The following TMEM255B variants were observed in gnomAD, a reference collection of about 807,000 sequenced individuals.
The protein encoded by TMEM255B is family with sequence similarity 70, member B.
A neutral mutation model predicts 34.5 loss-of-function variants in TMEM255B; 35 were observed. The observed-to-expected ratio is 1.01, with a 90% CI of 0.77 to 1.34. TMEM255B has a LOEUF of 1.34. Among genes scored for constraint, TMEM255B ranks in the 40% most tolerant of loss-of-function variants. The probability of loss-of-function intolerance (pLI) is 0.00; values close to 1 mark genes in which losing one functional copy is unlikely to be tolerated. For synonymous variants in TMEM255B, 206 were observed against 201.2 expected (o/e 1.02, Z -0.20); for missense variants, 432 against 433.2 (o/e 1.00, Z 0.02).
At chr13:113,784,159 C>T (rs187088302) in intron 3 of TMEM255B, among the ~76,000 whole-genome samples, 9 of 152,060 alleles carry the variant, frequency 5.9e-5, no homozygotes, top group African/African-American at 1.7e-4. Flanking sequence ...GACAGCCGAG[C>T]GGGGAGGGTG....
intron 5 of TMEM255B, 45 bp downstream of exon 5, chr13:113,799,464 C>CCCG: frequency 6.3e-7 from 1 of 1,583,978 alleles, no homozygotes; most frequent in Non-Finnish European, 8.7e-7. Context: ...CTCAGCTAAC[C>CCCG]CCGCCGACCC....
In TMEM255B at chr13:113,808,800, G is replaced by A. The variant is rs1476145488; in HGVS notation, c.814-2936G>A. On this transcript the variant is annotated intron_variant, in intron 8 of 8. Coordinates refer to ENST00000375353, the MANE Select transcript of TMEM255B (RefSeq NM_182614.4). ...TGTAACTCTGTGGTTCCTGGGGGGG[G>A]GGTTACTCCATGTTTCCTGGGGGTT... Among the ~76,000 whole-genome samples, 21 of 113,134 alleles carry A rather than the reference G, an allele frequency of 1.9e-4. 1 individual carries two copies. Among genetic ancestry groups the A allele is most frequent in the Middle Eastern group, 6.6e-3 (1 of 152 alleles). The allele number at this position is 113,134 out of a possible 152,430, so 74.2% of individuals were successfully genotyped here. A position where few individuals can be genotyped will look rare whatever the true frequency, so the allele number is the denominator to read the frequency against.
At position 113,770,511 on chromosome 13, in the gene TMEM255B, G is replaced by T. The variant is rs1333932006; in HGVS notation, c.252+1351G>T. Among the ~76,000 whole-genome samples, 4 of 152,232 alleles carry T rather than the reference G, an allele frequency of 2.6e-5. No individual in the cohort carries two copies. Among genetic ancestry groups the T allele is most frequent in the Non-Finnish European group, 5.9e-5 (4 of 68,044 alleles). ...GTGTGAGGGTGGGAGGTCCCTGGAG[G>T]GTTGGGGGTGGCTGCAAAGACACTG... is the stretch of plus-strand genomic sequence containing the variant. On this transcript the variant is annotated intron_variant, in intron 3 of 8. Transcript: ENST00000375353. This position sits in a 1 kb window ranked among gnomAD's most constrained non-coding sequence, Gnocchi z 4.6.
intron 8 of TMEM255B, among the ~76,000 whole-genome samples, chr13:113,809,563 G>T (rs2051261191): frequency 9.0e-6 from 1 of 110,748 alleles, no homozygotes; most frequent in South Asian, 3.8e-4. Context: ...TTCCTGGGGG[G>T]AGGGGTTACT....
At chr13:113,788,748 C>T (rs1229407875) in intron 3 of TMEM255B, among the ~76,000 whole-genome samples, 13 of 152,116 alleles carry the variant, frequency 8.5e-5, no homozygotes, top group Admixed American at 5.2e-4. Flanking sequence ...GTACTCCACT[C>T]GCGCTTCTGG....
chr13:113,805,174 C>T, intron 8 of TMEM255B, 146 bp downstream of exon 8: 1 of 1,093,012 alleles, frequency 9.1e-7, no homozygotes, highest in Non-Finnish European at 1.2e-6. Flanking sequence ...AGTGACAACC[C>T]TGCCGTCAGG....
At chr13:113,780,977 C>T (rs1566728390) in intron 3 of TMEM255B, among the ~76,000 whole-genome samples, 1 of 152,180 alleles carries the variant, frequency 6.6e-6, no homozygotes, top group Non-Finnish European at 1.5e-5. Context: ...CATATTTATA[C>T]AAACACAGCC....
chr13:113,784,538 GA>G (rs2050711654), intron 3 of TMEM255B, among the ~76,000 whole-genome samples: 1 of 151,408 alleles, frequency 6.6e-6, no homozygotes, highest in Admixed American at 6.6e-5. Flanking sequence ...ATATGAAGAG[GA>G]AGAAGAAGAA....
At chr13:113,787,464 G>A (rs1040931795) in intron 3 of TMEM255B, among the ~76,000 whole-genome samples, 4 of 152,316 alleles carry the variant, frequency 2.6e-5, no homozygotes, top group East Asian at 1.9e-4. Context: ...CACAGAAACC[G>A]ATGATAGGTG....
chr13:113,761,657 C>T (rs2050310432), intron 1 of TMEM255B, among the ~76,000 whole-genome samples: 1 of 152,216 alleles, frequency 6.6e-6, no homozygotes, highest in Non-Finnish European at 1.5e-5. Flanking sequence ...GTTCACACCA[C>T]CCTGATGATT....
Position 113,795,292 on chromosome 13 carries a change from G to A in TMEM255B, c.342+55G>A, listed in dbSNP as rs374352659. On this transcript the variant is annotated intron_variant, in intron 4 of 8. Transcript: ENST00000375353. ...GCTTTCCGGGGCTGAAAGAGTCGAC[G>A]TGAAAAAAGTACAATTTCATTTTGC... is the stretch of plus-strand genomic sequence containing the variant. The A allele has an allele frequency of 2.8e-5, 44 of 1,548,442 alleles. No individual in the cohort carries two copies. In the African/African-American group the frequency reaches 4.1e-4, roughly 14 times the overall value.
At chr13:113,779,478 G>A (rs1410526322) in intron 3 of TMEM255B, among the ~76,000 whole-genome samples, 1 of 151,706 alleles carries the variant, frequency 6.6e-6, no homozygotes, top group Non-Finnish European at 1.5e-5. Flanking sequence ...TGTTTTGGGG[G>A]CGTAGAGGGA....
Position 113,811,934 on chromosome 13 carries a change from G to GT in TMEM255B, c.*42dup, listed in dbSNP as rs374564555. 6.9e-3 allele frequency: 9,061 copies of GT among 1,317,578 alleles called. 2 individuals are homozygous for GT. The highest frequency in any genetic ancestry group is 7.4e-3 in the Non-Finnish European group (7,152 of 969,334). 81.6% of individuals were successfully genotyped at this position (1,317,578 alleles called of 1,614,324 possible). A position where few individuals can be genotyped will look rare whatever the true frequency, so the allele number is the denominator to read the frequency against. On this transcript the variant is annotated 3_prime_UTR_variant, in exon 9 of 9. Transcript: ENST00000375353. Reference sequence around the variant, plus strand: ...GCGTGGAGTAAAAGATAACTTGTTTGTTTTTTTTTTTAAAAAAAAGGCAGC... The same window carrying GT: ...GCGTGGAGTAAAAGATAACTTGTTTGTTTTTTTTTTTTAAAAAAAAGGCAGC...
chr13:113,782,969 C>G (rs956701508), intron 3 of TMEM255B, among the ~76,000 whole-genome samples: 1 of 152,034 alleles, frequency 6.6e-6, no homozygotes, highest in Non-Finnish European at 1.5e-5. Flanking sequence ...CTTTGTTCCT[C>G]GTTTGTGTTG....
chr13:113,790,882 G>A lies in TMEM255B; in HGVS notation c.253-4266G>A, dbSNP rs149539929. Among the ~76,000 whole-genome samples the A allele has an allele frequency of 1.6e-3, 243 of 152,348 alleles. 1 individual carries two copies. Among genetic ancestry groups the A allele is most frequent in the Non-Finnish European group, 2.7e-3 (186 of 68,040 alleles). On this transcript the variant is annotated intron_variant, in intron 3 of 8. Coordinates refer to ENST00000375353, the MANE Select transcript of TMEM255B (RefSeq NM_182614.4). ...GACATCCTAGCACTGAACTTGCTGC[G>A]CGTGGCCACACTCTCGCTGAATTTT...
chr13:113,796,723 G>A (rs116725340), intron 4 of TMEM255B, among the ~76,000 whole-genome samples: 132 of 152,342 alleles, frequency 8.7e-4, no homozygotes, highest in African/African-American at 2.9e-3. Context: ...CCATCTGGGC[G>A]TCAGCTGGTC....
At chr13:113,795,288 C>T (rs767256620) in intron 4 of TMEM255B, 51 bp downstream of exon 4, 14 of 1,563,090 alleles carry the variant, frequency 9.0e-6, no homozygotes, top group East Asian at 2.3e-5. Context: ...CTGAAAGAGT[C>T]GACGTGAAAA....
rs998735837 is a variant in TMEM255B at position 113,777,504 on chromosome 13, C to T, written c.252+8344C>T. 2.4e-4 allele frequency among the ~76,000 whole-genome samples: 36 copies of T among 152,164 alleles called. 2 individuals are homozygous for T. ...AGACTGCTGTGGGGCCGAGGGGAGG[C>T]GCGGTGGCCCCGGCTGTGTCTCTGG... On this transcript the variant is annotated intron_variant, in intron 3 of 8. Transcript: ENST00000375353.
At chr13:113,800,135 G>T in intron 5 of TMEM255B, 1 of 1,095,322 alleles carries the variant, frequency 9.1e-7, no homozygotes. Flanking sequence ...TGTGTTTAGG[G>T]GGGAGGTGTC....
Sources: allele counts gnomAD v4.1 joint callset (sites outside exome capture counted in the v4.1 genomes callset), GRCh38; gene constraint gnomAD v4.1.1; non-coding constraint Gnocchi (gnomAD v3.1); transcripts MANE v1.5; gene names NCBI Gene and HGNC (gene_info 2026-07-23, HGNC 2026-07-21).